Variants in CCDC91 observed in about 807,000 individuals in gnomAD.
CCDC91 encodes the protein coiled-coil domain-containing protein 91.
CCDC91 carries 48 observed loss-of-function variants against 63.2 expected under a neutral mutation model. That is an observed-to-expected ratio of 0.76 (90% CI 0.60 to 0.97). The LOEUF (loss-of-function observed/expected upper bound fraction) is 0.97, where lower values mean the gene tolerates loss of function less well. Among genes scored for constraint, CCDC91 ranks in the 50% least tolerant of loss-of-function variants. The probability of loss-of-function intolerance (pLI) is 0.00; values close to 1 mark genes in which losing one functional copy is unlikely to be tolerated. For synonymous variants in CCDC91, 167 were observed against 165.8 expected, an observed-to-expected ratio of 1.01 and a Z score of -0.06; for missense variants, 500 against 494.6, an observed-to-expected ratio of 1.01 and a Z score of -0.10.
intron 8 of CCDC91, among the ~76,000 whole-genome samples, chr12:28,419,218 A>C (rs955952546): frequency 1.3e-5 from 2 of 152,334 alleles, no homozygotes; most frequent in African/African-American, 4.8e-5. Context: ...AAGAGTAATT[A>C]GTAAGAAAAG....
At chr12:28,439,215 T>C (rs926026757) in intron 8 of CCDC91, among the ~76,000 whole-genome samples, 2 of 152,190 alleles carry the variant, frequency 1.3e-5, no homozygotes, top group African/African-American at 4.8e-5. Context: ...GTAAGAAGCT[T>C]ATTGCTATTA....
chr12:28,223,318 A>G (rs1222045283), intron 1 of CCDC91, among the ~76,000 whole-genome samples: 2 of 152,060 alleles, frequency 1.3e-5, no homozygotes, highest in East Asian at 3.8e-4. Flanking sequence ...GGTCAAGGTA[A>G]ACTTTCTGTT....
chr12:28,266,865 G>A (rs1489893394), intron 3 of CCDC91, among the ~76,000 whole-genome samples: 5 of 151,554 alleles, frequency 3.3e-5, no homozygotes, highest in African/African-American at 7.3e-5. Flanking sequence ...ATAATCCTAA[G>A]TTAGCGCCCC....
chr12:28,410,585 G>C (rs1426438386), intron 8 of CCDC91, among the ~76,000 whole-genome samples: 1 of 152,070 alleles, frequency 6.6e-6, no homozygotes, highest in Non-Finnish European at 1.5e-5. Flanking sequence ...GCAGTGGCAT[G>C]ATCTCGGCTC....
intron 6 of CCDC91, among the ~76,000 whole-genome samples, chr12:28,336,080 C>A (rs1177113329): frequency 6.6e-6 from 1 of 151,302 alleles, no homozygotes; most frequent in Admixed American, 6.6e-5. Flanking sequence ...ACCCTTAATC[C>A]CCTTCCCAAA....
rs1951579041 is a variant in CCDC91 at position 28,483,925 on chromosome 12, G to A, written c.1102-127G>A. ...AAAGATTCTGTAAGTTCTTATTCCTGTGTAAAGGTACACTTTGAATAGAAT... is the reference window on the plus strand; with the variant it reads ...AAAGATTCTGTAAGTTCTTATTCCTATGTAAAGGTACACTTTGAATAGAAT... On this transcript the variant is annotated intron_variant, in intron 11 of 12. Transcript: ENST00000536442. 4 of 530,942 alleles carry A rather than the reference G, an allele frequency of 7.5e-6. No homozygotes were observed. In the Admixed American group the frequency reaches 1.4e-4, roughly 18 times the overall value. 32.9% of individuals were successfully genotyped at this position (530,942 alleles called of 1,614,324 possible).
At chr12:28,325,981 TAAC>T (rs1253434236) in intron 6 of CCDC91, among the ~76,000 whole-genome samples, 3 of 152,180 alleles carry the variant, frequency 2.0e-5, no homozygotes, top group Non-Finnish European at 2.9e-5. Flanking sequence ...AGATATTTGA[TAAC>T]AAGTATATTC....
At chr12:28,221,835 G>C (rs1304167952) in intron 1 of CCDC91, among the ~76,000 whole-genome samples, 1 of 152,138 alleles carries the variant, frequency 6.6e-6, no homozygotes, top group Non-Finnish European at 1.5e-5. Flanking sequence ...TTTAAGACTT[G>C]AGAAGACCTT....
chr12:28,277,642 C>G (rs1948332655), intron 3 of CCDC91, among the ~76,000 whole-genome samples: 1 of 151,922 alleles, frequency 6.6e-6, no homozygotes, highest in African/African-American at 2.4e-5. Flanking sequence ...AACCTGTAGT[C>G]AATTTTTTTC....
chr12:28,309,543 A>G (rs1939100909), intron 6 of CCDC91, among the ~76,000 whole-genome samples: 1 of 152,044 alleles, frequency 6.6e-6, no homozygotes, highest in Admixed American at 6.6e-5. Flanking sequence ...CTTATAGGAT[A>G]TTAACCAGTT....
intron 10 of CCDC91, among the ~76,000 whole-genome samples, chr12:28,451,886 G>A (rs1312971933): frequency 6.6e-6 from 1 of 151,334 alleles, no homozygotes; most frequent in African/African-American, 2.4e-5. Context: ...TGTGAGACTG[G>A]GTTTTCTTTA....
chr12:28,450,793 G>T (rs1186782451), intron 10 of CCDC91, among the ~76,000 whole-genome samples: 1 of 151,684 alleles, frequency 6.6e-6, no homozygotes, highest in Non-Finnish European at 1.5e-5. Context: ...TGTATTCATA[G>T]ATATAAAATA....
At position 28,526,320 on chromosome 12, in the gene CCDC91, G is replaced by C. The variant is rs539902660; in HGVS notation, c.1216-22743G>C. 2.0e-5 allele frequency among the ~76,000 whole-genome samples: 3 copies of C among 152,174 alleles called. No homozygotes were observed. In the East Asian group the frequency reaches 5.8e-4, roughly 29 times the overall value. On this transcript the variant is annotated intron_variant, in intron 12 of 12. Coordinates refer to ENST00000536442, the MANE Select transcript of CCDC91 (RefSeq NM_018318.5). Reference sequence around the variant, plus strand: ...GTAGTGGCAAATTTTCTCAGCATATGTTTGTTTGTCTGAAAAAGACTGTAT... The same window carrying C: ...GTAGTGGCAAATTTTCTCAGCATATCTTTGTTTGTCTGAAAAAGACTGTAT...
chr12:28,417,427 C>A (rs1166286937), intron 8 of CCDC91, among the ~76,000 whole-genome samples: 2 of 152,042 alleles, frequency 1.3e-5, no homozygotes, highest in Non-Finnish European at 2.9e-5. Flanking sequence ...ATCCCTGATA[C>A]TTGGCAGTGA....
At chr12:28,254,772 CTTT>C (rs34812000) in intron 1 of CCDC91, among the ~76,000 whole-genome samples, 18 of 128,800 alleles carry the variant, frequency 1.4e-4, no homozygotes, top group Admixed American at 2.4e-4. Flanking sequence ...GTATCATCTG[CTTT>C]TTTTTTTTTT....
intron 8 of CCDC91, among the ~76,000 whole-genome samples, chr12:28,393,677 G>A (rs553767160): frequency 6.6e-6 from 1 of 152,148 alleles, no homozygotes; most frequent in African/African-American, 2.4e-5. Flanking sequence ...AATGTAGTTG[G>A]TATTTGTTGC....
At chr12:28,192,332 T>C (rs1262701377) in intron 1 of CCDC91, among the ~76,000 whole-genome samples, 2 of 152,204 alleles carry the variant, frequency 1.3e-5, no homozygotes, top group Non-Finnish European at 2.9e-5. Context: ...TGAATGAAGA[T>C]AGTAGAAGAC....
At chr12:28,474,277 G>C (rs1950969463) in intron 11 of CCDC91, among the ~76,000 whole-genome samples, 1 of 150,764 alleles carries the variant, frequency 6.6e-6, no homozygotes, top group Non-Finnish European at 1.5e-5. Flanking sequence ...TGATAATAAT[G>C]TTACATTATG....
chr12:28,449,354 C>T (rs1184953516), intron 8 of CCDC91, among the ~76,000 whole-genome samples: 1 of 151,924 alleles, frequency 6.6e-6, no homozygotes, highest in Non-Finnish European at 1.5e-5. Flanking sequence ...ATCTTACTTG[C>T]CTTTAATAAC....
Sources: allele counts gnomAD v4.1 joint callset (sites outside exome capture counted in the v4.1 genomes callset), GRCh38; gene constraint gnomAD v4.1.1; transcripts MANE v1.5; gene names NCBI Gene and HGNC (gene_info 2026-07-23, HGNC 2026-07-21).